The following GALNT13 variants were observed in gnomAD, a reference collection of about 807,000 sequenced individuals.
GALNT13 encodes the protein UDP-GalNAc:polypeptide N-acetylgalactosaminyltransferase 13.
In GALNT13, 28 loss-of-function variants were observed where a neutral mutation model predicts 64.2. The observed-to-expected ratio is 0.44, with a 90% confidence interval of 0.32 to 0.60. The LOEUF is 0.60. Among genes scored for constraint, GALNT13 ranks in the 20% least tolerant of loss-of-function variants. GALNT13 has a pLI of 0.05. For synonymous variants in GALNT13, 214 were observed against 224.6 expected (o/e 0.95, Z 0.42); for missense variants, 577 against 669.8 (o/e 0.86, Z 1.53).
the GALNT13 span, among the ~76,000 whole-genome samples, chr2:153,272,564 T>C: frequency 2.6e-5 from 4 of 152,300 alleles, no homozygotes; most frequent in African/African-American, 9.6e-5. Flanking sequence ...CACAATGATA[T>C]ACCATCTCAC....
the GALNT13 span, among the ~76,000 whole-genome samples, chr2:153,515,079 G>A: frequency 2.0e-5 from 3 of 152,164 alleles, no homozygotes; most frequent in South Asian, 4.1e-4. Flanking sequence ...TGTTTTTCTG[G>A]TCCATCTCCA....
chr2:153,615,007 C>T, the GALNT13 span, among the ~76,000 whole-genome samples: 1 of 152,022 alleles, frequency 6.6e-6, no homozygotes, highest in African/African-American at 2.4e-5. Context: ...TTAACCATCA[C>T]CACCTCCGCA....
chr2:153,242,296 T>C, the GALNT13 span, among the ~76,000 whole-genome samples: 1 of 152,160 alleles, frequency 6.6e-6, no homozygotes, highest in Non-Finnish European at 1.5e-5. Flanking sequence ...CCCACACCCA[T>C]CATGGATAGC....
the GALNT13 span, among the ~76,000 whole-genome samples, chr2:153,361,089 A>G: frequency 6.6e-6 from 1 of 152,086 alleles, no homozygotes; most frequent in Admixed American, 6.6e-5. Context: ...AAGCAGATGA[A>G]TAGGGCCTGA....
intron 3 of GALNT13, among the ~76,000 whole-genome samples, chr2:153,999,221 A>G (rs1392338087): frequency 6.6e-6 from 1 of 152,028 alleles, no homozygotes; most frequent in Non-Finnish European, 1.5e-5. Context: ...AATGGAACAG[A>G]ACAGAGGCCT....
At chr2:153,389,365 AGT>A in the GALNT13 span, among the ~76,000 whole-genome samples, 1 of 152,082 alleles carries the variant, frequency 6.6e-6, no homozygotes, top group East Asian at 1.9e-4. Context: ...AAGTAGCAGG[AGT>A]ACCAGCAGGG....
Position 154,298,646 on chromosome 2 carries a change from C to CATTGTATATATAA in GALNT13, c.976-2753_976-2752insTAAATTGTATATA, listed in dbSNP as rs1559075828. 9.0e-4 allele frequency among the ~76,000 whole-genome samples: 12 copies of CATTGTATATATAA among 13,398 alleles called. 2 individuals carry two copies. The highest frequency in any genetic ancestry group is 1.6e-3 in the Admixed American group (2 of 1,236). The allele number at this position is 13,398 out of a possible 152,430, so 8.8% of individuals were successfully genotyped here. On this transcript the variant is annotated intron_variant, in intron 8 of 12. Transcript: ENST00000392825. ...ACATTGTATATATAATTTATATATA[C>CATTGTATATATAA]ATTGTATATACAATTTATATATACA...
intron 2 of GALNT13, among the ~76,000 whole-genome samples, chr2:153,906,421 G>C (rs1688569266): frequency 8.7e-6 from 1 of 114,884 alleles, no homozygotes; most frequent in African/African-American, 3.4e-5. Flanking sequence ...ACAGTCCCCA[G>C]AGTGTGATGT....
intron 8 of GALNT13, among the ~76,000 whole-genome samples, chr2:154,282,691 G>A (rs1692028359): frequency 6.6e-6 from 1 of 151,890 alleles, no homozygotes; most frequent in South Asian, 2.1e-4. Context: ...TATTTTCCAT[G>A]CAAAATATTT....
At chr2:154,225,142 AGATG>A (rs1390467902) in intron 4 of GALNT13, among the ~76,000 whole-genome samples, 6 of 125,694 alleles carry the variant, frequency 4.8e-5, no homozygotes, top group Non-Finnish European at 1.0e-4. Context: ...ATAGATAGAT[AGATG>A]ACAGATAGAT....
At chr2:153,340,760 G>T in the GALNT13 span, among the ~76,000 whole-genome samples, 1 of 151,714 alleles carries the variant, frequency 6.6e-6, no homozygotes, top group African/African-American at 2.4e-5. Flanking sequence ...GATCTAGTTT[G>T]TTGAGAGTTT....
the GALNT13 span, among the ~76,000 whole-genome samples, chr2:153,765,500 A>G: frequency 1.3e-5 from 2 of 152,268 alleles, no homozygotes; most frequent in East Asian, 1.9e-4. Context: ...CTGTACCCCA[A>G]TTGTATCTAC....
chr2:153,140,620 G>T, the GALNT13 span, among the ~76,000 whole-genome samples: 1 of 151,920 alleles, frequency 6.6e-6, no homozygotes, highest in African/African-American at 2.4e-5. Context: ...TCTCCAAGTT[G>T]AAAAACTCAG....
intron 4 of GALNT13, among the ~76,000 whole-genome samples, chr2:154,218,473 A>G (rs542194037): frequency 6.6e-6 from 1 of 152,060 alleles, no homozygotes; most frequent in South Asian, 2.1e-4. Flanking sequence ...ACCTTTTCTT[A>G]AGAGCCATTG....
the GALNT13 span, among the ~76,000 whole-genome samples, chr2:153,203,530 T>C: frequency 6.6e-6 from 1 of 152,186 alleles, no homozygotes; most frequent in Non-Finnish European, 1.5e-5. Context: ...TTTACAGATA[T>C]GCAAATTGAG....
chr2:153,534,169 A>G, the GALNT13 span, among the ~76,000 whole-genome samples: 3 of 152,188 alleles, frequency 2.0e-5, no homozygotes, highest in Non-Finnish European at 4.4e-5. Context: ...CCTCCCTGCC[A>G]TATTGAGTTC....
chr2:154,359,633 G>C (rs1436039755), intron 9 of GALNT13, among the ~76,000 whole-genome samples: 1 of 152,004 alleles, frequency 6.6e-6, no homozygotes, highest in Non-Finnish European at 1.5e-5. Flanking sequence ...TGATCCATAG[G>C]CCACTCGTTC....
the GALNT13 span, among the ~76,000 whole-genome samples, chr2:153,629,479 C>A: frequency 6.6e-6 from 1 of 152,028 alleles, no homozygotes; most frequent in Non-Finnish European, 1.5e-5. Flanking sequence ...CTTCCTTACA[C>A]CTTATACAAA....
chr2:153,080,732 T>C, the GALNT13 span, among the ~76,000 whole-genome samples: 1 of 152,134 alleles, frequency 6.6e-6, no homozygotes, highest in Admixed American at 6.5e-5. Context: ...TTCTAAAATC[T>C]TTTAAATATG....
Sources: gnomAD v4.1 joint callset for allele counts (sites outside exome capture counted in the v4.1 genomes callset) on GRCh38, gnomAD v4.1.1 for gene constraint, MANE v1.5 for transcripts, NCBI Gene and HGNC (gene_info 2026-07-23, HGNC 2026-07-21) for gene names.